The following SDK2 variants were observed in gnomAD, a reference collection of about 807,000 sequenced individuals.
SDK2 encodes sidekick cell adhesion molecule 2.
In SDK2, 105 loss-of-function variants were observed where a neutral mutation model predicts 253.9. That is an observed-to-expected ratio of 0.41 (90% CI 0.35 to 0.49). The LOEUF (loss-of-function observed/expected upper bound fraction) is 0.49. Ranked by LOEUF, SDK2 falls within the 20% of genes least tolerant of loss-of-function variation. The pLI is 0.06. For synonymous variants in SDK2, 1,249 were observed against 1,234.9 expected (o/e 1.01, Z -0.24); for missense variants, 2,608 against 3,003.0 (o/e 0.87, Z 3.07).
At chr17:73,521,936 G>A (rs1021127158) in intron 1 of SDK2, among the ~76,000 whole-genome samples, 1 of 152,200 alleles carries the variant, frequency 6.6e-6, no homozygotes, top group African/African-American at 2.4e-5. Flanking sequence ...GCAGGTGCCA[G>A]GCCTCGTGCT....
chr17:73,373,067 C>T (rs1285901337), intron 36 of SDK2, among the ~76,000 whole-genome samples: 1 of 152,240 alleles, frequency 6.6e-6, no homozygotes, highest in African/African-American at 2.4e-5. Flanking sequence ...GTTCTACTCT[C>T]TGTTCCTATG....
At chr17:73,438,198 C>T in intron 6 of SDK2, 44 bp from the exon 7 acceptor site, 3 of 1,514,208 alleles carry the variant, frequency 2.0e-6, no homozygotes, top group Middle Eastern at 1.7e-4. Context: ...ATGAGGACTC[C>T]CAGAGGCCTG....
chr17:73,434,029 C>T (rs572668102), intron 9 of SDK2, among the ~76,000 whole-genome samples, 181 bp from the exon 10 acceptor site: 7 of 152,244 alleles, frequency 4.6e-5, no homozygotes, highest in East Asian at 3.9e-4. Flanking sequence ...GGAAGAAGCC[C>T]GGAGGGGTCA....
intron 44 of SDK2, among the ~76,000 whole-genome samples, chr17:73,340,734 G>GTTT (rs10638504): frequency 0.066 from 5,085 of 77,420 alleles, 1,394 homozygotes; most frequent in East Asian, 0.24. Context: ...AAACCTTAAA[G>GTTT]TTTTTTTTTT....
At chr17:73,509,269 G>A (rs2063959410) in intron 1 of SDK2, among the ~76,000 whole-genome samples, 1 of 152,180 alleles carries the variant, frequency 6.6e-6, no homozygotes, top group South Asian at 2.1e-4. Flanking sequence ...AGGATGGAAG[G>A]AAATAGTGAT....
chr17:73,436,959 G>A (rs1285593504), intron 8 of SDK2, among the ~76,000 whole-genome samples: 14 of 152,084 alleles, frequency 9.2e-5, no homozygotes, highest in Admixed American at 9.2e-4. Context: ...TTCTACGCGA[G>A]CAGGGATCTG....
rs932581666 is a variant in SDK2, at chr17:73,481,975, C to T, written c.225-9757G>A. On this transcript the variant is annotated intron_variant, in intron 2 of 44. Coordinates refer to ENST00000392650, the MANE Select transcript of SDK2 (RefSeq NM_001144952.2). The surrounding 1 kb of genome is among the most constrained non-coding windows in gnomAD (Gnocchi z 4.5). ...GCACAACCCCGACTAATACACCGAC[C>T]GTAGAATATGGGAGATAGGCCGGGT... is the stretch of plus-strand genomic sequence containing the variant. Among the ~76,000 whole-genome samples the T allele has an allele frequency of 7.2e-5, 11 of 152,140 alleles. No individual in the cohort carries two copies. Among genetic ancestry groups the T allele is most frequent in the Middle Eastern group, 3.2e-3 (1 of 316 alleles).
chr17:73,620,259 G>A (rs2046116992), intron 1 of SDK2, among the ~76,000 whole-genome samples: 1 of 150,718 alleles, frequency 6.6e-6, no homozygotes, highest in Non-Finnish European at 1.5e-5. Flanking sequence ...ATATACAAAC[G>A]GCCAACAAGC....
At chr17:73,446,951 T>C (rs570388750) in intron 5 of SDK2, among the ~76,000 whole-genome samples, 1 of 152,226 alleles carries the variant, frequency 6.6e-6, no homozygotes, top group Admixed American at 6.5e-5. Context: ...CAAAGAAAAC[T>C]GGCTTCAGTC....
intron 2 of SDK2, among the ~76,000 whole-genome samples, chr17:73,480,137 G>T (rs182657617): frequency 6.6e-6 from 1 of 152,102 alleles, no homozygotes; most frequent in Admixed American, 6.5e-5. Context: ...CATAAACCTC[G>T]GTTCACAGAT....
intron 1 of SDK2, among the ~76,000 whole-genome samples, chr17:73,579,159 C>T (rs2045498518): frequency 6.6e-6 from 1 of 152,168 alleles, no homozygotes; most frequent in Non-Finnish European, 1.5e-5. Flanking sequence ...CTGGCCTGAG[C>T]TCCTGCCACC....
chr17:73,384,036 G>T, intron 32 of SDK2, 25 bp from the exon 33 acceptor site: 1 of 1,609,498 alleles, frequency 6.2e-7, no homozygotes, highest in Non-Finnish European at 8.5e-7. Flanking sequence ...TAGGGCATGG[G>T]GAGGGCACCT....
At chr17:73,364,768 C>T (rs939777030) in intron 38 of SDK2, among the ~76,000 whole-genome samples, 1 of 152,080 alleles carries the variant, frequency 6.6e-6, no homozygotes, top group Non-Finnish European at 1.5e-5. Context: ...ACTACAGGTA[C>T]CCACCACCAC....
chr17:73,410,530 C>CT (rs1403578703), intron 18 of SDK2, among the ~76,000 whole-genome samples: 2 of 152,202 alleles, frequency 1.3e-5, no homozygotes, highest in African/African-American at 4.8e-5. Flanking sequence ...ATTGGCCAGG[C>CT]TGTTTTCAAA....
intron 1 of SDK2, among the ~76,000 whole-genome samples, chr17:73,628,044 T>C (rs565339915): frequency 6.6e-6 from 1 of 152,264 alleles, no homozygotes; most frequent in South Asian, 2.1e-4. Flanking sequence ...AGAGCGAGAC[T>C]CCGTCTCAAA....
In SDK2 at chr17:73,631,893, C is replaced by A. The variant is rs181604204; in HGVS notation, c.64+12132G>T. The stretch of plus-strand genomic sequence containing the variant: ...CCTCTGACTAAGAGAGTCTTCAAGC[C>A]CTCAACTAGTCTCCAAATAAGACCC... On this transcript the variant is annotated intron_variant, in intron 1 of 44. Coordinates refer to ENST00000392650, the MANE Select transcript of SDK2 (RefSeq NM_001144952.2). 2.0e-4 allele frequency among the ~76,000 whole-genome samples: 31 copies of A among 152,332 alleles called. No individual in the cohort carries two copies. In the East Asian group the frequency reaches 5.8e-3, roughly 28 times the overall value.
intron 1 of SDK2, among the ~76,000 whole-genome samples, chr17:73,585,298 G>A (rs917578143): frequency 6.6e-6 from 1 of 152,214 alleles, no homozygotes; most frequent in African/African-American, 2.4e-5. Flanking sequence ...CAGAGTCTAG[G>A]GCGATGAGAA....
At position 73,395,182 on chromosome 17, in the gene SDK2, T is replaced by C. The variant is rs746785926; in HGVS notation, c.3565A>G (p.Thr1189Ala). The change falls in exon 25 of 45, where the codon ACG becomes GCG. Residue 1189 changes from threonine to alanine, a missense_variant. By Grantham distance (58) the Thr-to-Ala change is moderately conservative (BLOSUM62 0). Around this residue, in one of 2 missense-constraint regions of SDK2, gnomAD observed 1,505 missense variants for 1,859.1 expected, o/e 0.81. Coordinates refer to ENST00000392650, the MANE Select transcript of SDK2 (RefSeq NM_001144952.2). This position sits in a 1 kb window ranked among gnomAD's most constrained non-coding sequence, Gnocchi z 4.3. ...GACTCCCGGGTCCTGCCCACCACCG[T>C]CTGGCTCCAGGGCCCGCTCCCGATG... ...NAIGSGPWSQ[T>A]VVGRTRESVP... is the part of the protein sequence containing the mutation. 33 of 1,604,832 alleles carry C rather than the reference T, an allele frequency of 2.1e-5. No homozygotes were observed. Among genetic ancestry groups the C allele is most frequent in the Non-Finnish European group, 2.7e-5 (32 of 1,176,604 alleles).
intron 18 of SDK2, 34 bp downstream of exon 18, chr17:73,414,610 G>C (rs750561588): frequency 4.0e-6 from 6 of 1,512,714 alleles, no homozygotes; most frequent in Non-Finnish European, 5.5e-6. Context: ...AAGATCTTAG[G>C]GCCTCCTCTT....
Sources: allele counts gnomAD v4.1 joint callset (sites outside exome capture counted in the v4.1 genomes callset), GRCh38; gene constraint gnomAD v4.1.1; regional missense constraint gnomAD v4.1.1; non-coding constraint Gnocchi (gnomAD v3.1); transcripts MANE v1.5; gene names NCBI Gene and HGNC (gene_info 2026-07-23, HGNC 2026-07-21).